Variants in DRC4 observed in about 807,000 individuals in gnomAD.
The protein encoded by DRC4 is dynein regulatory complex subunit 4.
the DRC4 span, chr16:90,029,431 T>C: frequency 1.2e-5 from 10 of 810,316 alleles, no homozygotes; most frequent in Middle Eastern, 5.5e-4. Context: ...TGGATATTTA[T>C]AAGAAATCTG....
the DRC4 span, among the ~76,000 whole-genome samples, chr16:90,026,746 C>A: frequency 6.7e-6 from 1 of 148,708 alleles, no homozygotes; most frequent in Non-Finnish European, 1.5e-5. Flanking sequence ...TGCGGTGGTG[C>A]ACCATAGCTC....
At chr16:90,036,459 A>T in the DRC4 span, 1 of 1,613,898 alleles carries the variant, frequency 6.2e-7, no homozygotes, top group South Asian at 1.1e-5. Context: ...GAGCTCCACG[A>T]AGTGGAGGAG....
chr16:90,041,982 G>C, the DRC4 span, among the ~76,000 whole-genome samples: 1 of 152,046 alleles, frequency 6.6e-6, no homozygotes, highest in Non-Finnish European at 1.5e-5. Context: ...CTGTCACCCA[G>C]ACTGGAGTGC....
At chr16:90,036,106 C>T in the DRC4 span, 2 of 581,020 alleles carry the variant, frequency 3.4e-6, no homozygotes, top group East Asian at 3.1e-5. Flanking sequence ...TCACTGGGGT[C>T]AGCTGACATT....
the DRC4 span, chr16:90,022,524 AC>A: frequency 2.0e-6 from 1 of 502,358 alleles, no homozygotes; most frequent in Non-Finnish European, 3.4e-6. Flanking sequence ...CATTTTCCCA[AC>A]GTTCACAACC....
At chr16:90,036,523 C>G in the DRC4 span, 3 of 1,611,668 alleles carry the variant, frequency 1.9e-6, no homozygotes, top group Non-Finnish European at 2.5e-6. Context: ...AGGCCTTCAC[C>G]GACATTAAGA....
At chr16:90,031,253 A>C in the DRC4 span, 1 of 1,608,198 alleles carries the variant, frequency 6.2e-7, no homozygotes, top group Non-Finnish European at 8.5e-7. Context: ...GTTGCCGTGC[A>C]TGGGCCCCTG....
chr16:90,020,659 G>T, the DRC4 span, among the ~76,000 whole-genome samples: 3 of 152,198 alleles, frequency 2.0e-5, no homozygotes, highest in African/African-American at 7.2e-5. Context: ...GGCCCTGTCG[G>T]GATCCCAGGG....
At chr16:90,021,670 C>G in the DRC4 span, among the ~76,000 whole-genome samples, 1 of 151,794 alleles carries the variant, frequency 6.6e-6, no homozygotes, top group South Asian at 2.1e-4. Context: ...AGTTTGAGAC[C>G]ACTCTGGGCA....
At chr16:90,024,123 TACACAC>T in the DRC4 span, among the ~76,000 whole-genome samples, 1 of 139,396 alleles carries the variant, frequency 7.2e-6, no homozygotes, top group African/African-American at 2.7e-5. Context: ...TTACTAAAAA[TACACAC>T]ACACACACAC....
At chr16:90,038,393 A>G in the DRC4 span, among the ~76,000 whole-genome samples, 6 of 152,226 alleles carry the variant, frequency 3.9e-5, no homozygotes, top group African/African-American at 1.4e-4. Flanking sequence ...GGCTGCACAT[A>G]GGAAGCGGTC....
chr16:90,042,568 C>A, the DRC4 span: 3 of 1,573,882 alleles, frequency 1.9e-6, no homozygotes, highest in Non-Finnish European at 2.6e-6. Context: ...CTCAGGGGCA[C>A]CCCCTCGGTG....
the DRC4 span, chr16:90,027,686 C>G: frequency 1.3e-5 from 21 of 1,614,178 alleles, 1 homozygote; most frequent in South Asian, 2.3e-4. Flanking sequence ...CCCCGATTGT[C>G]GATGGGCTCG....
the DRC4 span, chr16:90,035,504 A>C: frequency 4.3e-6 from 5 of 1,162,618 alleles, no homozygotes; most frequent in Non-Finnish European, 5.1e-6. Context: ...CTTAGAGGTG[A>C]CTTTAGTTGA....
the DRC4 span, among the ~76,000 whole-genome samples, chr16:90,027,155 G>T: frequency 6.7e-6 from 1 of 149,184 alleles, no homozygotes; most frequent in Non-Finnish European, 1.5e-5. Flanking sequence ...GTGTGATCTC[G>T]GCTCACTGCA....
the DRC4 span, chr16:90,040,042 C>G: frequency 1.9e-5 from 10 of 525,494 alleles, no homozygotes; most frequent in Admixed American, 1.6e-4. Context: ...TACCAGGACA[C>G]TTATGGCTTC....
chr16:90,022,517 T>G, the DRC4 span: 1 of 489,874 alleles, frequency 2.0e-6, no homozygotes, highest in Non-Finnish European at 3.5e-6. Context: ...CCGGCGACAT[T>G]TTCCCAACGT....
At chr16:90,028,173 ATTTTTTTT>A in the DRC4 span, among the ~76,000 whole-genome samples, 38 of 63,848 alleles carry the variant, frequency 6.0e-4, 2 homozygotes, top group South Asian at 0.014. Flanking sequence ...TTAATCGTTC[ATTTTTTTT>A]TTTTTTTTTT....
At chr16:90,027,942 G>A in the DRC4 span, 903 of 552,616 alleles carry the variant, frequency 1.6e-3, 7 homozygotes, top group East Asian at 0.017. Flanking sequence ...TTTGTAACAG[G>A]GTGGTAGGAG....
Sources: gnomAD v4.1 joint callset for allele counts (sites outside exome capture counted in the v4.1 genomes callset) on GRCh38, gnomAD v4.1.1 for gene constraint, MANE v1.5 for transcripts, NCBI Gene and HGNC (gene_info 2026-07-23, HGNC 2026-07-21) for gene names.